The following SDK1 variants were observed in gnomAD, a reference collection of about 807,000 sequenced individuals.
The protein encoded by SDK1 is protein sidekick-1.
SDK1 carries 157 observed loss-of-function variants against 245.5 expected under a neutral mutation model. That is an observed-to-expected ratio of 0.64 (90% CI 0.56 to 0.73). SDK1 has a LOEUF of 0.73. SDK1 is among the 30% of genes least tolerant of loss of function. SDK1 has a pLI of 0.00. For synonymous variants in SDK1, 1,647 were observed against 1,278.5 expected, an observed-to-expected ratio of 1.29 and a Z score of -6.15; for missense variants, 3,583 against 3,002.3, an observed-to-expected ratio of 1.19 and a Z score of -4.52.
At chr7:3,901,215 T>A (rs1781779072) in intron 5 of SDK1, among the ~76,000 whole-genome samples, 1 of 151,470 alleles carries the variant, frequency 6.6e-6, no homozygotes, top group African/African-American at 2.4e-5. Context: ...CCCGACAGAG[T>A]CTTGCTCTGT....
At chr7:3,824,848 G>T (rs1051894163) in intron 5 of SDK1, among the ~76,000 whole-genome samples, 3 of 152,136 alleles carry the variant, frequency 2.0e-5, no homozygotes, top group Non-Finnish European at 4.4e-5. Context: ...CTGCTGTTTA[G>T]TGCATATTTA....
In SDK1 at chr7:4,221,248, G is replaced by A; in HGVS notation, c.5711G>A (p.Gly1904Asp). ...ITAGPAEGSP[G>D]SPRDVLVTKS... ...CTTCTTTATCCCGCAGGATCCCCGGGCTCGCCTAGAGATGTCCTGGTCACC... is the reference window on the plus strand; with the variant it reads ...CTTCTTTATCCCGCAGGATCCCCGGACTCGCCTAGAGATGTCCTGGTCACC... Residue 1904 changes from glycine to aspartate, a missense_variant, in exon 40 of 45, where the codon GGC (glycine) becomes GAC (aspartate). Coordinates refer to ENST00000404826, the MANE Select transcript of SDK1 (RefSeq NM_152744.4). The A allele has an allele frequency of 6.2e-7, 1 of 1,613,410 alleles. No individual in the cohort carries two copies. Among genetic ancestry groups the A allele is most frequent in the Non-Finnish European group, 8.5e-7 (1 of 1,179,976 alleles).
Position 3,532,591 on chromosome 7 carries a change from G to A in SDK1, c.299-86489G>A, listed in dbSNP as rs187045180. Among the ~76,000 whole-genome samples the A allele has an allele frequency of 1.7e-3, 258 of 152,318 alleles. 1 individual carries two copies. The highest frequency in any genetic ancestry group is 5.8e-3 in the African/African-American group (241 of 41,578). ...CCCAAGTCTTCTGTCTGCAAGTCTAGTGTTTTCCTACTATAACTGTCATGT... is the reference window on the plus strand; with the variant it reads ...CCCAAGTCTTCTGTCTGCAAGTCTAATGTTTTCCTACTATAACTGTCATGT... On this transcript the variant is annotated intron_variant, in intron 1 of 44. Coordinates refer to ENST00000404826, the MANE Select transcript of SDK1 (RefSeq NM_152744.4).
At chr7:3,411,866 C>A (rs1322164312) in intron 1 of SDK1, among the ~76,000 whole-genome samples, 1 of 151,996 alleles carries the variant, frequency 6.6e-6, no homozygotes, top group Non-Finnish European at 1.5e-5. Context: ...TAGGTATGAA[C>A]CCATTGCCTA....
chr7:4,068,692 C>A lies in SDK1; in HGVS notation c.3010+756C>A, dbSNP rs541477701. ...GGGGGTCTCTGTGGGAGACAGCTCA[C>A]CTTTTTTAGGGTTTTTAATGATTTT... On this transcript the variant is annotated intron_variant, in intron 20 of 44. Transcript: ENST00000404826. Among the ~76,000 whole-genome samples, 8 of 144,534 alleles carry A rather than the reference C, an allele frequency of 5.5e-5. No individual in the cohort carries two copies. In the East Asian group the frequency reaches 1.6e-3, roughly 28 times the overall value. The allele number at this position is 144,534 out of a possible 152,430, so 94.8% of individuals were successfully genotyped here. A position where few individuals can be genotyped will look rare whatever the true frequency, so the allele number is the denominator to read the frequency against.
At chr7:3,859,298 C>G (rs527315336) in intron 5 of SDK1, among the ~76,000 whole-genome samples, 42 of 152,242 alleles carry the variant, frequency 2.8e-4, no homozygotes, top group African/African-American at 1.0e-3. Context: ...GGTAGCTCCT[C>G]CTGGGGGGCC....
intron 4 of SDK1, among the ~76,000 whole-genome samples, chr7:3,816,172 C>G (rs1408358076): frequency 6.7e-6 from 1 of 149,312 alleles, no homozygotes; most frequent in Non-Finnish European, 1.5e-5. Flanking sequence ...ACCCTAACAT[C>G]ACAATTAAAA....
chr7:3,341,340 A>G (rs975347704), intron 1 of SDK1, among the ~76,000 whole-genome samples: 8 of 152,154 alleles, frequency 5.3e-5, no homozygotes, highest in African/African-American at 1.9e-4. Context: ...AAAACTAGCA[A>G]TAAAGAACTT....
chr7:4,129,810 G>C lies in SDK1; in HGVS notation c.3940-98G>C, dbSNP rs186912449. 5.8e-6 allele frequency: 9 copies of C among 1,561,260 alleles called. No homozygotes were observed. The African/African-American group carries it at 1.1e-4, about 19-fold the overall frequency. On this transcript the variant is annotated intron_variant, in intron 26 of 44. Coordinates refer to ENST00000404826, the MANE Select transcript of SDK1 (RefSeq NM_152744.4). The stretch of plus-strand genomic sequence containing the variant: ...CCATCCTCAGGGAGAAAGCACAGTT[G>C]GCTGGGCCTTGATTCACGAAGGGGG...
chr7:4,123,472 G>T (rs924878443), intron 25 of SDK1, among the ~76,000 whole-genome samples: 2 of 152,138 alleles, frequency 1.3e-5, no homozygotes, highest in African/African-American at 4.8e-5. Context: ...TGGGAGCTCT[G>T]TGCAGGCCCA....
chr7:3,486,508 A>C (rs1035208547), intron 1 of SDK1, among the ~76,000 whole-genome samples: 3 of 151,946 alleles, frequency 2.0e-5, no homozygotes, highest in Admixed American at 2.0e-4. Context: ...ACTTATTTTC[A>C]ATCTCTTGTG....
intron 1 of SDK1, among the ~76,000 whole-genome samples, chr7:3,587,300 C>CGTGTGTGTGTGTGTGTGTGT (rs10523052): frequency 6.7e-6 from 1 of 149,052 alleles, no homozygotes; most frequent in African/African-American, 2.5e-5. Flanking sequence ...AGAAACAGAA[C>CGTGTGTGTGTGTGTGTGTGT]GTGTGTGTGT....
chr7:3,645,343 G>A (rs149497503), intron 4 of SDK1, among the ~76,000 whole-genome samples: 122 of 152,314 alleles, frequency 8.0e-4, no homozygotes, highest in African/African-American at 2.8e-3. Context: ...AGATGAGGCT[G>A]ATTATGGATA....
intron 5 of SDK1, among the ~76,000 whole-genome samples, chr7:3,862,495 A>G (rs1176256969): frequency 2.0e-5 from 3 of 152,198 alleles, no homozygotes; most frequent in African/African-American, 7.2e-5. Context: ...AACTTTTGTA[A>G]CTTTGTCAGA....
At chr7:4,144,996 G>A (rs371448350) in intron 28 of SDK1, among the ~76,000 whole-genome samples, 13 of 152,278 alleles carry the variant, frequency 8.5e-5, no homozygotes, top group South Asian at 2.1e-4. Flanking sequence ...AGATGCCAGC[G>A]GGGGAGGCCT....
intron 1 of SDK1, among the ~76,000 whole-genome samples, chr7:3,488,423 C>G (rs1006492175): frequency 2.0e-5 from 3 of 151,806 alleles, no homozygotes; most frequent in Non-Finnish European, 4.4e-5. Context: ...AAAACATTTC[C>G]CTTCTTTAGC....
At chr7:3,925,631 C>T (rs1351290238) in intron 5 of SDK1, among the ~76,000 whole-genome samples, 1 of 152,218 alleles carries the variant, frequency 6.6e-6, no homozygotes, top group African/African-American at 2.4e-5. Context: ...GGGCACCCTG[C>T]AGTGGGCAGG....
rs1780939631 is a variant in SDK1, at chr7:3,787,466, A to T, written c.714-33984A>T. On this transcript the variant is annotated intron_variant, in intron 4 of 44. Transcript: ENST00000404826. Reference sequence around the variant, plus strand: ...CCTCCCATTTGAGCTTACCCTAGAGATGAACCTGTGTAAAAAGAGGTAAAT... The same window carrying T: ...CCTCCCATTTGAGCTTACCCTAGAGTTGAACCTGTGTAAAAAGAGGTAAAT... Among the ~76,000 whole-genome samples, 6 of 152,150 alleles carry T rather than the reference A, an allele frequency of 3.9e-5. No individual in the cohort carries two copies. In the South Asian group the frequency reaches 1.0e-3, roughly 26 times the overall value.
rs187532799 is a variant in SDK1, at chr7:4,050,320, G to T, written c.2718+857G>T. Among the ~76,000 whole-genome samples the T allele has an allele frequency of 7.2e-5, 11 of 152,304 alleles. 1 individual carries two copies. The highest frequency in any genetic ancestry group is 2.6e-4 in the African/African-American group (11 of 41,570). On this transcript the variant is annotated intron_variant, in intron 18 of 44. Coordinates refer to ENST00000404826, the MANE Select transcript of SDK1 (RefSeq NM_152744.4). Reference sequence around the variant, plus strand: ...TCTGCCAGAAAGGCAGAAGTAGCTGGAAATTTTCCCTGCCTTTCGTTTACC... The same window carrying T: ...TCTGCCAGAAAGGCAGAAGTAGCTGTAAATTTTCCCTGCCTTTCGTTTACC...
Sources: gnomAD v4.1 joint callset for allele counts (sites outside exome capture counted in the v4.1 genomes callset) on GRCh38, gnomAD v4.1.1 for gene constraint, MANE v1.5 for transcripts, NCBI Gene and HGNC (gene_info 2026-07-23, HGNC 2026-07-21) for gene names.